The following PPFIA2 variants were observed in gnomAD, a reference collection of about 807,000 sequenced individuals.
PPFIA2 encodes PPFI scaffold protein A2.
A neutral mutation model predicts 175.5 loss-of-function variants in PPFIA2; 46 were observed. The ratio of observed to expected loss-of-function variants is 0.26; its 90% CI spans 0.21 to 0.34. The LOEUF is 0.34. PPFIA2 is among the 10% of genes least tolerant of loss of function. The pLI is 1.00. For missense variants in PPFIA2, 1,179 were observed against 1,506.1 expected (o/e 0.78, Z 3.60); for synonymous variants, 568 against 511.4 (o/e 1.11, Z -1.49).
At chr12:81,499,456 C>A (rs1037353311) in intron 4 of PPFIA2, among the ~76,000 whole-genome samples, 6 of 152,196 alleles carry the variant, frequency 3.9e-5, no homozygotes, top group Admixed American at 2.6e-4. Context: ...CAAATTAATT[C>A]TCATCATGGA....
intron 4 of PPFIA2, chr12:81,598,440 A>G (rs1332003356): frequency 1.1e-6 from 1 of 926,606 alleles, no homozygotes; most frequent in Non-Finnish European, 1.3e-6. Flanking sequence ...TTAACCAATA[A>G]CATACAGTTT....
chr12:81,375,562 C>G (rs1438118413), intron 10 of PPFIA2, among the ~76,000 whole-genome samples: 1 of 151,966 alleles, frequency 6.6e-6, no homozygotes, highest in Non-Finnish European at 1.5e-5. Context: ...CTGGCTCATG[C>G]CTATATGAAA....
chr12:81,390,271 A>G (rs1378348033), intron 8 of PPFIA2, among the ~76,000 whole-genome samples: 1 of 152,062 alleles, frequency 6.6e-6, no homozygotes, highest in Non-Finnish European at 1.5e-5. Flanking sequence ...TTATACGGAC[A>G]AATGTTTTCA....
At chr12:81,298,247 C>T (rs1373361066) in intron 23 of PPFIA2, 2 of 152,084 alleles carry the variant, frequency 1.3e-5, no homozygotes, top group African/African-American at 2.4e-5. Flanking sequence ...AGCAGCTGAT[C>T]GCTAATATCT....
rs554151958 is a variant in PPFIA2, at chr12:81,625,954, G to A, written c.303+50837C>T. Among the ~76,000 whole-genome samples, 6 of 150,800 alleles carry A rather than the reference G, an allele frequency of 4.0e-5. No individual in the cohort carries two copies. In the East Asian group the frequency reaches 1.2e-3, roughly 29 times the overall value. Reference sequence around the variant, plus strand: ...AAATGATGCCTAAGTCACAGAAAGAGAAAGGGATAATTCTCAATAACAAAA... The same window carrying A: ...AAATGATGCCTAAGTCACAGAAAGAAAAAGGGATAATTCTCAATAACAAAA... On this transcript the variant is annotated intron_variant, in intron 4 of 32. Coordinates refer to ENST00000549396, the MANE Select transcript of PPFIA2 (RefSeq NM_003625.5).
chr12:81,725,299 A>G (rs2079917831), intron 3 of PPFIA2, among the ~76,000 whole-genome samples: 1 of 151,056 alleles, frequency 6.6e-6, no homozygotes, highest in Non-Finnish European at 1.5e-5. Flanking sequence ...TTACCATAAT[A>G]GAAGACACAT....
chr12:81,322,871 A>C (rs901333877), intron 22 of PPFIA2, among the ~76,000 whole-genome samples: 2 of 152,184 alleles, frequency 1.3e-5, no homozygotes, highest in African/African-American at 2.4e-5. Context: ...TAATAAGACA[A>C]TAGAGAGAAA....
In PPFIA2 at chr12:81,277,329, G is replaced by A; in HGVS notation, c.3298C>T (p.His1100Tyr). 6.4e-7 allele frequency: 1 copy of A among 1,561,526 alleles called. No individual in the cohort carries two copies. The highest frequency in any genetic ancestry group is 1.9e-4 in the Middle Eastern group (1 of 5,322). Reference protein sequence around the residue: ...ELERRREASQHEIKDVLVWSN... With the variant: ...ELERRREASQYEIKDVLVWSN... ...AAAGATATATTACCTTTTATTTCAT[G>A]TTGGCTTGCTTCCCGTCTTCTTTCT... is the stretch of plus-strand genomic sequence containing the variant. The change falls in exon 28 of 33, where the codon CAT becomes TAT. Residue 1100 changes from histidine to tyrosine, a missense_variant. Coordinates refer to ENST00000549396, the MANE Select transcript of PPFIA2 (RefSeq NM_003625.5).
At chr12:81,737,184 C>G (rs2471493) in intron 3 of PPFIA2, among the ~76,000 whole-genome samples, 146,370 of 152,040 alleles carry the variant, frequency 0.96, 70,721 homozygotes, top group East Asian at 1. Flanking sequence ...TCAGGCATTT[C>G]GACCTGCTTT....
chr12:81,663,974 C>G (rs533656152), intron 4 of PPFIA2, among the ~76,000 whole-genome samples: 1 of 152,192 alleles, frequency 6.6e-6, no homozygotes, highest in Non-Finnish European at 1.5e-5. Flanking sequence ...GCTGGGAAAG[C>G]TGACTAACCA....
intron 8 of PPFIA2, among the ~76,000 whole-genome samples, chr12:81,391,835 A>C (rs1021782163): frequency 1.3e-5 from 2 of 151,938 alleles, no homozygotes; most frequent in African/African-American, 2.4e-5. Flanking sequence ...AGAAAGATCA[A>C]AGACAAAGTG....
intron 4 of PPFIA2, among the ~76,000 whole-genome samples, chr12:81,652,681 G>C (rs1315849853): frequency 1.3e-5 from 2 of 151,878 alleles, no homozygotes; most frequent in African/African-American, 4.8e-5. Flanking sequence ...CCTCTAATTT[G>C]CTTCATTGTT....
intron 8 of PPFIA2, among the ~76,000 whole-genome samples, chr12:81,402,610 T>C (rs2042270895): frequency 1.3e-5 from 2 of 152,144 alleles, no homozygotes; most frequent in Admixed American, 1.3e-4. Flanking sequence ...TTCCAGCACT[T>C]TGGGAGGCCG....
chr12:81,436,262 CAG>C (rs1363170752), intron 7 of PPFIA2, among the ~76,000 whole-genome samples: 2 of 106,878 alleles, frequency 1.9e-5, no homozygotes, highest in Admixed American at 2.8e-4. Flanking sequence ...GCCTGGGCAA[CAG>C]AGTGAGACCC....
chr12:81,300,224 C>T (rs2047476611), intron 22 of PPFIA2, among the ~76,000 whole-genome samples: 1 of 152,078 alleles, frequency 6.6e-6, no homozygotes, highest in Non-Finnish European at 1.5e-5. Context: ...CACTGAAATT[C>T]AAATTGATAT....
At chr12:81,612,108 TA>T (rs1233106475) in intron 4 of PPFIA2, among the ~76,000 whole-genome samples, 39 of 152,096 alleles carry the variant, frequency 2.6e-4, no homozygotes, top group Non-Finnish European at 2.1e-4. Context: ...GCTGACTTAA[TA>T]ATTTGGTCTC....
chr12:81,528,057 A>C (rs945995104), intron 4 of PPFIA2, among the ~76,000 whole-genome samples: 15 of 152,086 alleles, frequency 9.9e-5, no homozygotes, highest in African/African-American at 3.6e-4. Flanking sequence ...ACTAGAATGT[A>C]AGTTCCATGA....
intron 8 of PPFIA2, among the ~76,000 whole-genome samples, chr12:81,389,154 C>CAT (rs1367954856): frequency 6.8e-6 from 1 of 147,526 alleles, no homozygotes; most frequent in African/African-American, 2.5e-5. Flanking sequence ...TACACACACA[C>CAT]ATATATGTAT....
chr12:81,597,899 G>T, intron 4 of PPFIA2: 1 of 1,500,620 alleles, frequency 6.7e-7, no homozygotes, highest in East Asian at 2.5e-5. Context: ...TTTGTTAAAA[G>T]TTTGACAATA....
Sources: gnomAD v4.1 joint callset for allele counts (sites outside exome capture counted in the v4.1 genomes callset) on GRCh38, gnomAD v4.1.1 for gene constraint, MANE v1.5 for transcripts, NCBI Gene and HGNC (gene_info 2026-07-23, HGNC 2026-07-21) for gene names.